Variants in PVT1 observed in about 807,000 individuals in gnomAD.
PVT1 encodes the protein CXCR4/PVT1 fusion.
chr8:128,005,158 C>A (rs1372092779), intron 4 of PVT1, among the ~76,000 whole-genome samples: 3 of 151,912 alleles, frequency 2.0e-5, no homozygotes, highest in Non-Finnish European at 2.9e-5. Context: ...AAAAAAGTTA[C>A]AACACAAAGG....
At chr8:127,870,972 C>G (rs1298684269) in intron 2 of PVT1, among the ~76,000 whole-genome samples, 1 of 152,214 alleles carries the variant, frequency 6.6e-6, no homozygotes, top group African/African-American at 2.4e-5. Context: ...TCCTCCTCCT[C>G]CTCCTCTCTG....
At chr8:127,923,536 C>T (rs769225986) in intron 3 of PVT1, among the ~76,000 whole-genome samples, 5 of 152,120 alleles carry the variant, frequency 3.3e-5, no homozygotes, top group Non-Finnish European at 4.4e-5. Flanking sequence ...TTTGGGTCCC[C>T]GCTTCTGAGC....
intron 3 of PVT1, among the ~76,000 whole-genome samples, chr8:127,944,613 G>T (rs1251067561): frequency 6.6e-6 from 1 of 151,874 alleles, no homozygotes; most frequent in Non-Finnish European, 1.5e-5. Flanking sequence ...GCATTCAGGG[G>T]AAGGAGGGAT....
At chr8:127,960,856 C>T (rs1321268147) in intron 3 of PVT1, among the ~76,000 whole-genome samples, 3 of 145,726 alleles carry the variant, frequency 2.1e-5, no homozygotes, top group African/African-American at 7.7e-5. Context: ...AGGCATGGTG[C>T]TGCATGCATT....
rs1001343794 is a variant in PVT1 at position 128,029,498 on chromosome 8, AAACTT to A, written n.912+40210_912+40214del. 8.5e-5 allele frequency among the ~76,000 whole-genome samples: 13 copies of A among 152,312 alleles called. No individual in the cohort carries two copies. The East Asian group carries it at 1.5e-3, about 18-fold the overall frequency. On this transcript the variant is annotated intron_variant and non_coding_transcript_variant, in intron 4 of 10. Transcript: ENST00000651587. ...TTAAGAAATTTAGATAAGTGAAAGAAAACTTAAAAAATACTTGTTGCGGTCGGGTG... is the reference window on the plus strand; with the variant it reads ...TTAAGAAATTTAGATAAGTGAAAGAAAAAAAATACTTGTTGCGGTCGGGTG...
At chr8:127,805,927 G>T (rs569909494) in intron 2 of PVT1, among the ~76,000 whole-genome samples, 35 of 152,206 alleles carry the variant, frequency 2.3e-4, no homozygotes, top group African/African-American at 8.4e-4. Context: ...CAAAGTGTTA[G>T]CAGAAAAGAC....
intron 4 of PVT1, chr8:128,008,751 G>A (rs1301941601): frequency 2.1e-5 from 6 of 288,796 alleles, no homozygotes; most frequent in Non-Finnish European, 4.6e-5. Context: ...TGGGCACAAT[G>A]CTAAGCATGT....
intron 2 of PVT1, among the ~76,000 whole-genome samples, chr8:127,840,752 G>C (rs571074008): frequency 6.6e-6 from 1 of 152,080 alleles, no homozygotes; most frequent in South Asian, 2.1e-4. Context: ...GCACCGAACT[G>C]GTCCTGCCCA....
At chr8:128,093,149 C>T (rs1324615006) in intron 5 of PVT1, among the ~76,000 whole-genome samples, 1 of 152,236 alleles carries the variant, frequency 6.6e-6, no homozygotes, top group East Asian at 1.9e-4. Context: ...ATTCTACCCT[C>T]ACAATGCCTA....
chr8:127,959,246 A>T (rs1361972899), intron 3 of PVT1, among the ~76,000 whole-genome samples: 1 of 152,158 alleles, frequency 6.6e-6, no homozygotes, highest in East Asian at 1.9e-4. Context: ...GGCATTTATA[A>T]AGGAATTCTG....
chr8:128,073,684 C>T (rs1814028728), intron 5 of PVT1, among the ~76,000 whole-genome samples: 1 of 152,146 alleles, frequency 6.6e-6, no homozygotes, highest in African/African-American at 2.4e-5. Context: ...CTGGTCCCCT[C>T]CCTAGCCCTC....
chr8:127,910,222 G>A (rs1427712672), intron 3 of PVT1, among the ~76,000 whole-genome samples: 1 of 152,160 alleles, frequency 6.6e-6, no homozygotes, highest in East Asian at 1.9e-4. Context: ...TGGGACTGGT[G>A]GGAAGATTGG....
intron 5 of PVT1, among the ~76,000 whole-genome samples, chr8:128,089,464 G>C (rs6983484): frequency 0.014 from 2,149 of 152,204 alleles, 24 homozygotes; most frequent in South Asian, 0.03. Context: ...GGGCTCCACT[G>C]TCATGACCAT....
At chr8:127,860,827 G>A (rs919612643) in intron 2 of PVT1, among the ~76,000 whole-genome samples, 1 of 151,686 alleles carries the variant, frequency 6.6e-6, no homozygotes, top group African/African-American at 2.4e-5. Context: ...GTCTCCTGTG[G>A]AGTTTAGCAC....
chr8:127,879,243 C>T (rs958867973), intron 2 of PVT1, among the ~76,000 whole-genome samples: 1 of 152,122 alleles, frequency 6.6e-6, no homozygotes, highest in Non-Finnish European at 1.5e-5. Context: ...GAACAAAGAC[C>T]CAGGGCTGGG....
intron 4 of PVT1, among the ~76,000 whole-genome samples, chr8:128,008,102 C>T (rs920041929): frequency 1.3e-5 from 2 of 152,198 alleles, no homozygotes; most frequent in African/African-American, 2.4e-5. Flanking sequence ...ACAATCGTTG[C>T]ATTTACCTCT....
At chr8:127,971,215 T>A (rs554214166) in intron 3 of PVT1, among the ~76,000 whole-genome samples, 6 of 152,374 alleles carry the variant, frequency 3.9e-5, no homozygotes, top group East Asian at 1.9e-4. Flanking sequence ...TAGCAGGCCT[T>A]GGCAGCCGAG....
intron 3 of PVT1, among the ~76,000 whole-genome samples, chr8:127,975,621 A>G (rs1347789891): frequency 1.3e-5 from 2 of 152,188 alleles, no homozygotes; most frequent in Non-Finnish European, 2.9e-5. Flanking sequence ...AGATTGCAAC[A>G]CCCTGCTCTT....
chr8:127,899,878 C>A (rs900531074), intron 3 of PVT1, among the ~76,000 whole-genome samples: 1 of 152,036 alleles, frequency 6.6e-6, no homozygotes, highest in Non-Finnish European at 1.5e-5. Flanking sequence ...TCAGGGGGAT[C>A]TCTGTATAGT....
Sources: allele counts gnomAD v4.1 joint callset (sites outside exome capture counted in the v4.1 genomes callset), GRCh38; gene constraint gnomAD v4.1.1; transcripts MANE v1.5; gene names NCBI Gene and HGNC (gene_info 2026-07-23, HGNC 2026-07-21).